Variants in RBFOX1 observed in about 807,000 individuals in gnomAD.
RBFOX1 encodes RNA binding protein fox-1 homolog 1.
In RBFOX1, 8 loss-of-function variants were observed where a neutral mutation model predicts 57.7. That is an observed-to-expected ratio of 0.14 (90% CI 0.08 to 0.25). RBFOX1 has a LOEUF of 0.25. Among genes scored for constraint, RBFOX1 ranks in the 10% least tolerant of loss-of-function variants. The pLI, the probability that RBFOX1 is intolerant of heterozygous loss-of-function variation, is 1.00. For synonymous variants in RBFOX1, 326 were observed against 222.4 expected, an observed-to-expected ratio of 1.47 and a Z score of -4.15; for missense variants, 611 against 548.5, an observed-to-expected ratio of 1.11 and a Z score of -1.14.
chr16:7,157,144 G>C (rs1234589041), intron 4 of RBFOX1, among the ~76,000 whole-genome samples: 3 of 152,170 alleles, frequency 2.0e-5, no homozygotes, highest in Non-Finnish European at 4.4e-5. Flanking sequence ...CATTGGCACA[G>C]GATAAGGGAA....
rs561720893 is a variant in RBFOX1, at chr16:6,810,983, A to C, written c.-16+156333A>C. Among the ~76,000 whole-genome samples, 17 of 152,344 alleles carry C rather than the reference A, an allele frequency of 1.1e-4. No homozygotes were observed. The East Asian group carries it at 3.3e-3, about 29-fold the overall frequency. ...CAGATATTTCACTAAATGCTATTCC[A>C]GAACGGATTTACACAATTTTTGGAA... On this transcript the variant is annotated intron_variant, in intron 3 of 15. Coordinates refer to ENST00000550418, the MANE Select transcript of RBFOX1 (RefSeq NM_018723.4).
chr16:7,467,757 C>T (rs541773885), intron 4 of RBFOX1, among the ~76,000 whole-genome samples: 2 of 152,342 alleles, frequency 1.3e-5, no homozygotes, highest in Non-Finnish European at 2.9e-5. Context: ...CATGCAACGT[C>T]TTCCCCACTT....
rs537508360 is a variant in RBFOX1, at chr16:7,673,421, T to A, written c.931-3353T>A. Among the ~76,000 whole-genome samples the A allele has an allele frequency of 2.4e-4, 37 of 152,270 alleles. 1 individual carries two copies. The South Asian group carries it at 6.8e-3, about 28-fold the overall frequency. Reference sequence around the variant, plus strand: ...CACAAGCATAATTTTGAAACTGCTTTATTAGCTAGGCACAGTGGCTTACAC... The same window carrying A: ...CACAAGCATAATTTTGAAACTGCTTAATTAGCTAGGCACAGTGGCTTACAC... On this transcript the variant is annotated intron_variant, in intron 13 of 15. Coordinates refer to ENST00000550418, the MANE Select transcript of RBFOX1 (RefSeq NM_018723.4).
At chr16:6,309,885 T>C (rs368745389) in intron 1 of RBFOX1, among the ~76,000 whole-genome samples, 1 of 152,224 alleles carries the variant, frequency 6.6e-6, no homozygotes, top group Admixed American at 6.5e-5. Flanking sequence ...CAATGACGCT[T>C]ATTGACTTTA....
chr16:7,126,315 C>T, intron 4 of RBFOX1: 1 of 309,642 alleles, frequency 3.2e-6, no homozygotes. Flanking sequence ...TGGTGGGGGT[C>T]ATGGGGCAGC....
intron 2 of RBFOX1, among the ~76,000 whole-genome samples, chr16:5,501,870 C>G (rs1390255225): frequency 6.6e-6 from 1 of 151,990 alleles, no homozygotes; most frequent in East Asian, 1.9e-4. Context: ...CATTTGTTAC[C>G]ATGCCCAGCT....
intron 1 of RBFOX1, among the ~76,000 whole-genome samples, chr16:6,174,931 G>A (rs147415719): frequency 6.6e-6 from 1 of 152,148 alleles, no homozygotes; most frequent in Non-Finnish European, 1.5e-5. Flanking sequence ...GTGGCAGATG[G>A]CCAGAGCTAA....
intron 4 of RBFOX1, among the ~76,000 whole-genome samples, chr16:5,997,585 C>T (rs767874255): frequency 2.0e-5 from 3 of 152,128 alleles, no homozygotes; most frequent in Non-Finnish European, 2.9e-5. Flanking sequence ...ATCTCTAGAG[C>T]GATTAGGCAC....
chr16:6,648,451 C>T (rs2098551343), intron 2 of RBFOX1, among the ~76,000 whole-genome samples: 1 of 152,146 alleles, frequency 6.6e-6, no homozygotes, highest in South Asian at 2.1e-4. Flanking sequence ...GGGAAATTTG[C>T]TGAAGGACCG....
At chr16:5,567,369 T>C (rs906522302) in intron 2 of RBFOX1, among the ~76,000 whole-genome samples, 7 of 152,160 alleles carry the variant, frequency 4.6e-5, no homozygotes, top group Middle Eastern at 3.2e-3. Context: ...TTCTGTACAA[T>C]GTTCCAAGCT....
At chr16:6,881,367 G>T (rs909413446) in intron 3 of RBFOX1, among the ~76,000 whole-genome samples, 2 of 152,190 alleles carry the variant, frequency 1.3e-5, no homozygotes, top group Admixed American at 1.3e-4. Flanking sequence ...ACAACAAACA[G>T]TTACTCTCAC....
intron 3 of RBFOX1, among the ~76,000 whole-genome samples, chr16:6,691,101 T>G (rs933273176): frequency 6.6e-6 from 1 of 152,112 alleles, no homozygotes; most frequent in African/African-American, 2.4e-5. Context: ...TTGAGAGATG[T>G]TGGGAAAAGT....
intron 4 of RBFOX1, among the ~76,000 whole-genome samples, chr16:7,489,596 G>A (rs2066389952): frequency 1.3e-5 from 2 of 152,012 alleles, no homozygotes; most frequent in Non-Finnish European, 2.9e-5. Context: ...GCTCACTGCA[G>A]CCTCGAACTC....
At chr16:7,688,246 T>TGA (rs1274622500) in intron 14 of RBFOX1, among the ~76,000 whole-genome samples, 13 of 102,520 alleles carry the variant, frequency 1.3e-4, no homozygotes, top group African/African-American at 4.3e-4. Context: ...TGTGTGTGTG[T>TGA]GTGTGTGTGT....
At chr16:6,644,087 C>T (rs1038363333) in intron 2 of RBFOX1, among the ~76,000 whole-genome samples, 8 of 152,158 alleles carry the variant, frequency 5.3e-5, no homozygotes, top group Non-Finnish European at 1.0e-4. Context: ...GATCACCCTA[C>T]TGCACTCCAA....
At chr16:7,030,014 C>T (rs145293250) in intron 3 of RBFOX1, among the ~76,000 whole-genome samples, 1 of 152,116 alleles carries the variant, frequency 6.6e-6, no homozygotes, top group African/African-American at 2.4e-5. Context: ...TGTGTGATCC[C>T]TTTATGGGAA....
At chr16:6,542,483 C>CTTTTTTTGTTTTTTTTT (rs2096835243) in intron 2 of RBFOX1, among the ~76,000 whole-genome samples, 1 of 55,720 alleles carries the variant, frequency 1.8e-5, no homozygotes, top group Non-Finnish European at 3.0e-5. Context: ...GGACCATAGT[C>CTTTTTTTGTTTTTTTTT]TTTTTTTTTT....
rs1205047410 is a variant in RBFOX1, at chr16:6,405,911, A to G, written c.-64+88854A>G. The stretch of plus-strand genomic sequence containing the variant: ...TTTAACCTCCTTTCCACAGAATAAA[A>G]TTGCAAGTGCATGAGAATTATCACA... On this transcript the variant is annotated intron_variant, in intron 2 of 15. Transcript: ENST00000550418. 5.3e-5 allele frequency among the ~76,000 whole-genome samples: 8 copies of G among 152,228 alleles called. No individual in the cohort carries two copies. In the East Asian group the frequency reaches 1.5e-3, roughly 29 times the overall value.
rs779314273 is a variant in RBFOX1 at position 7,643,358 on chromosome 16, C to G, written c.758-10457C>G. ...TATTTTTATTTCCACAAAAAGAAGA[C>G]TTATTTCAAAAACCCAAGTTGTAAT... On this transcript the variant is annotated intron_variant, in intron 11 of 15. Coordinates refer to ENST00000550418, the MANE Select transcript of RBFOX1 (RefSeq NM_018723.4). Among the ~76,000 whole-genome samples the G allele has an allele frequency of 1.8e-4, 27 of 152,092 alleles. 1 individual carries two copies. The highest frequency in any genetic ancestry group is 2.0e-4 in the Admixed American group (3 of 15,282).
Sources: gnomAD v4.1 joint callset for allele counts (sites outside exome capture counted in the v4.1 genomes callset) on GRCh38, gnomAD v4.1.1 for gene constraint, MANE v1.5 for transcripts, NCBI Gene and HGNC (gene_info 2026-07-23, HGNC 2026-07-21) for gene names.